LRRC4C: variants seen among roughly 807,000 people sequenced by gnomAD.
LRRC4C encodes leucine rich repeat containing 4C, also known as leucine-rich repeat-containing protein 4C.
In LRRC4C, 5 loss-of-function variants were observed where a neutral mutation model predicts 33.6. That is an observed-to-expected ratio of 0.15 (90% CI 0.08 to 0.31). LRRC4C has a LOEUF of 0.31. LRRC4C is among the 10% of genes least tolerant of loss of function. LRRC4C has a pLI of 1.00. For synonymous variants in LRRC4C, 329 were observed against 302.0 expected, an observed-to-expected ratio of 1.09 and a Z score of -0.93; for missense variants, 560 against 796.7, an observed-to-expected ratio of 0.70 and a Z score of 3.58.
intron 1 of LRRC4C, among the ~76,000 whole-genome samples, chr11:41,310,567 T>G (rs550980822): frequency 1.3e-5 from 2 of 152,350 alleles, no homozygotes; most frequent in African/African-American, 4.8e-5. Context: ...AATGTGAAGA[T>G]TAAATAAATT....
intron 5 of LRRC4C, among the ~76,000 whole-genome samples, chr11:40,212,414 G>T (rs190380042): frequency 6.6e-6 from 1 of 150,470 alleles, no homozygotes; most frequent in African/African-American, 2.4e-5. Flanking sequence ...ACTTTTAGTA[G>T]TATGTAAAAA....
At chr11:40,974,025 C>A (rs1253854629) in intron 1 of LRRC4C, among the ~76,000 whole-genome samples, 1 of 151,770 alleles carries the variant, frequency 6.6e-6, no homozygotes, top group East Asian at 1.9e-4. Context: ...ATTTGAACAC[C>A]TGGGGAAATG....
At chr11:41,398,496 G>T (rs1201772715) in intron 1 of LRRC4C, among the ~76,000 whole-genome samples, 2 of 151,852 alleles carry the variant, frequency 1.3e-5, no homozygotes, top group Non-Finnish European at 1.5e-5. Flanking sequence ...TTTTATTGCT[G>T]TCCTAGTAGA....
At chr11:41,060,903 G>C (rs1001677145) in intron 1 of LRRC4C, among the ~76,000 whole-genome samples, 1 of 151,774 alleles carries the variant, frequency 6.6e-6, no homozygotes, top group East Asian at 1.9e-4. Flanking sequence ...TCTTTCTCAA[G>C]TGTCTTCTCT....
At chr11:40,832,926 G>A (rs1368716081) in intron 2 of LRRC4C, among the ~76,000 whole-genome samples, 1 of 152,086 alleles carries the variant, frequency 6.6e-6, no homozygotes, top group African/African-American at 2.4e-5. Context: ...TTTGGTTGTA[G>A]ATAGAAAAAC....
intron 3 of LRRC4C, among the ~76,000 whole-genome samples, chr11:40,421,824 G>T (rs138911851): frequency 3.9e-5 from 6 of 152,338 alleles, no homozygotes; most frequent in African/African-American, 1.4e-4. Context: ...GCATTGATCT[G>T]TGTCAAAGCT....
intron 3 of LRRC4C, among the ~76,000 whole-genome samples, chr11:40,326,596 G>T (rs1008006592): frequency 6.6e-6 from 1 of 151,492 alleles, no homozygotes; most frequent in Non-Finnish European, 1.5e-5. Flanking sequence ...TGTGTGTTGT[G>T]CAGGGCCAAA....
intron 4 of LRRC4C, among the ~76,000 whole-genome samples, chr11:40,262,628 T>C (rs1374001683): frequency 6.6e-6 from 1 of 152,190 alleles, no homozygotes; most frequent in Admixed American, 6.5e-5. Flanking sequence ...GTGGCACATA[T>C]ACACCATGGA....
At chr11:40,328,615 G>A (rs1040581121) in intron 3 of LRRC4C, among the ~76,000 whole-genome samples, 33 of 152,138 alleles carry the variant, frequency 2.2e-4, no homozygotes, top group African/African-American at 7.2e-4. Flanking sequence ...TTTAATAATT[G>A]AGGTATTGTA....
chr11:40,366,992 A>G (rs934833673), intron 3 of LRRC4C, among the ~76,000 whole-genome samples: 1 of 152,108 alleles, frequency 6.6e-6, no homozygotes, highest in Non-Finnish European at 1.5e-5. Context: ...TGTTTCTGAG[A>G]CATAGAGAAA....
intron 2 of LRRC4C, among the ~76,000 whole-genome samples, chr11:40,653,425 T>C (rs1282937326): frequency 2.0e-5 from 3 of 152,212 alleles, no homozygotes; most frequent in Non-Finnish European, 4.4e-5. Context: ...ACTCTTGCTA[T>C]GCTTTAGCAA....
chr11:40,493,272 C>T (rs984827926), intron 3 of LRRC4C, among the ~76,000 whole-genome samples: 22 of 152,020 alleles, frequency 1.4e-4, no homozygotes, highest in African/African-American at 4.8e-4. Flanking sequence ...TAGGCTTGTA[C>T]TATATAATTT....
intron 1 of LRRC4C, among the ~76,000 whole-genome samples, chr11:40,989,954 TAA>T (rs1853392844): frequency 6.6e-6 from 1 of 151,906 alleles, no homozygotes; most frequent in African/African-American, 2.4e-5. Flanking sequence ...TTAGGTATTA[TAA>T]ATAATCTAGA....
At chr11:40,124,072 G>T (rs1016302673) in intron 6 of LRRC4C, among the ~76,000 whole-genome samples, 2 of 151,812 alleles carry the variant, frequency 1.3e-5, no homozygotes, top group East Asian at 3.9e-4. Context: ...ATCTCTGGTC[G>T]TGTAAAAAAA....
Position 40,509,995 on chromosome 11 carries a change from C to T in LRRC4C, c.-270+138147G>A, listed in dbSNP as rs569919035. 5.9e-5 allele frequency among the ~76,000 whole-genome samples: 9 copies of T among 152,072 alleles called. No individual in the cohort carries two copies. The South Asian group carries it at 1.7e-3, about 28-fold the overall frequency. Reference sequence around the variant, plus strand: ...ATAACTTTATTGAGTGCTTACTGCACTTTAGGTCAGGTAATTTACAAGTGC... The same window carrying T: ...ATAACTTTATTGAGTGCTTACTGCATTTTAGGTCAGGTAATTTACAAGTGC... On this transcript the variant is annotated intron_variant, in intron 3 of 6. Coordinates refer to ENST00000528697, the MANE Select transcript of LRRC4C (RefSeq NM_001258419.2).
chr11:40,424,057 G>C (rs1387389485), intron 3 of LRRC4C, among the ~76,000 whole-genome samples: 1 of 152,152 alleles, frequency 6.6e-6, no homozygotes, highest in Non-Finnish European at 1.5e-5. Context: ...CTAGCAAGGT[G>C]ATGTCAGACT....
intron 1 of LRRC4C, among the ~76,000 whole-genome samples, chr11:41,408,756 A>AAAAAAAACAAAC (rs1565649952): frequency 5.0e-5 from 7 of 140,810 alleles, no homozygotes; most frequent in African/African-American, 2.3e-4. Context: ...GTAAAAAAAA[A>AAAAAAAACAAAC]AAAAAAAAAA....
chr11:41,384,779 T>G (rs11036378), intron 1 of LRRC4C, among the ~76,000 whole-genome samples: 1 of 149,456 alleles, frequency 6.7e-6, no homozygotes, highest in South Asian at 2.2e-4. Context: ...ATTAAACTGT[T>G]GCATATGAAT....
At chr11:41,387,044 A>G (rs951092523) in intron 1 of LRRC4C, among the ~76,000 whole-genome samples, 1 of 151,792 alleles carries the variant, frequency 6.6e-6, no homozygotes, top group African/African-American at 2.4e-5. Flanking sequence ...CTTTACAATG[A>G]CATTAGCCTG....
Sources: allele counts gnomAD v4.1 joint callset (sites outside exome capture counted in the v4.1 genomes callset), GRCh38; gene constraint gnomAD v4.1.1; transcripts MANE v1.5; gene names NCBI Gene and HGNC (gene_info 2026-07-23, HGNC 2026-07-21).